AATF: variants seen among roughly 807,000 people sequenced by gnomAD.
AATF encodes apoptosis antagonizing transcription factor, also known as protein AATF.
AATF carries 48 observed loss-of-function variants against 63.7 expected under a neutral mutation model. The ratio of observed to expected loss-of-function variants is 0.75; its 90% CI spans 0.60 to 0.96. AATF has a LOEUF of 0.96. AATF is among the 40% of genes least tolerant of loss of function. The pLI, the probability that AATF is intolerant of heterozygous loss-of-function variation, is 0.00. For missense variants in AATF, 639 were observed against 685.7 expected, an observed-to-expected ratio of 0.93 and a Z score of 0.76; for synonymous variants, 258 against 247.7, an observed-to-expected ratio of 1.04 and a Z score of -0.39.
intron 8 of AATF, among the ~76,000 whole-genome samples, chr17:37,004,048 A>G (rs2071322824): frequency 6.6e-6 from 1 of 151,242 alleles, no homozygotes; most frequent in Admixed American, 6.6e-5. Flanking sequence ...GAGGTTGCAG[A>G]CTTTTTTTTG....
At chr17:36,985,805 T>C (rs1282712072) in intron 4 of AATF, among the ~76,000 whole-genome samples, 2 of 152,078 alleles carry the variant, frequency 1.3e-5, no homozygotes, top group African/African-American at 4.8e-5. Context: ...CGTCTCGGCC[T>C]CCCAAAGTGT....
chr17:37,017,746 C>A (rs544510432), intron 8 of AATF, among the ~76,000 whole-genome samples: 15 of 152,062 alleles, frequency 9.9e-5, no homozygotes, highest in Non-Finnish European at 1.9e-4. Context: ...ATTGAGATAT[C>A]CTTTTCCCTT....
chr17:37,033,690 CA>C (rs1455666962), intron 11 of AATF: 2 of 154,216 alleles, frequency 1.3e-5, no homozygotes, highest in African/African-American at 4.8e-5. Context: ...ATCTTTGTGA[CA>C]GGATAATTCT....
chr17:36,956,573 T>C (rs1402621181), intron 4 of AATF, among the ~76,000 whole-genome samples: 3 of 151,686 alleles, frequency 2.0e-5, no homozygotes, highest in African/African-American at 4.9e-5. Context: ...CTCGGGAGGC[T>C]GAGGCAGGAG....
At chr17:36,977,498 A>G (rs1260147889) in intron 4 of AATF, among the ~76,000 whole-genome samples, 1 of 152,004 alleles carries the variant, frequency 6.6e-6, no homozygotes, top group African/African-American at 2.4e-5. Flanking sequence ...AAGACGTTAT[A>G]ATATGAAAGA....
In AATF at chr17:36,967,728, T is replaced by C. The variant is rs1001210114; in HGVS notation, c.832+13821T>C. Among the ~76,000 whole-genome samples, 8 of 152,256 alleles carry C rather than the reference T, an allele frequency of 5.3e-5. 1 individual carries two copies. The highest frequency in any genetic ancestry group is 2.6e-4 in the Admixed American group (4 of 15,292). On this transcript the variant is annotated intron_variant, in intron 4 of 11. Coordinates refer to ENST00000619387, the MANE Select transcript of AATF (RefSeq NM_012138.4). ...GGAGGTAAATTTTTTTAGACTTCAGTTGTCTTAAAATACCTTTATTCTATC... is the reference window on the plus strand; with the variant it reads ...GGAGGTAAATTTTTTTAGACTTCAGCTGTCTTAAAATACCTTTATTCTATC...
intron 4 of AATF, among the ~76,000 whole-genome samples, chr17:36,981,637 T>C (rs750790790): frequency 1.3e-5 from 2 of 151,494 alleles, no homozygotes; most frequent in Admixed American, 6.6e-5. Flanking sequence ...CTTCTTTCTT[T>C]TTTCTTCTTC....
intron 8 of AATF, among the ~76,000 whole-genome samples, chr17:37,006,526 G>C (rs895616741): frequency 6.6e-6 from 1 of 152,188 alleles, no homozygotes; most frequent in African/African-American, 2.4e-5. Context: ...CCTTTTATTT[G>C]TTGGAAACAG....
intron 4 of AATF, among the ~76,000 whole-genome samples, chr17:36,978,409 G>A (rs529450588): frequency 1.6e-4 from 25 of 152,116 alleles, no homozygotes; most frequent in African/African-American, 5.5e-4. Flanking sequence ...TAGATCGCAC[G>A]CCTTCTACTG....
chr17:37,043,763 C>T (rs776564633), intron 11 of AATF, among the ~76,000 whole-genome samples: 1 of 152,132 alleles, frequency 6.6e-6, no homozygotes, highest in African/African-American at 2.4e-5. Flanking sequence ...CTTATGCCCT[C>T]GCTCGTATGC....
intron 4 of AATF, among the ~76,000 whole-genome samples, chr17:36,957,694 A>G (rs2070913163): frequency 6.6e-6 from 1 of 151,878 alleles, no homozygotes. Context: ...TACCTTTCTG[A>G]TCTCTTCTCT....
chr17:37,006,235 CA>C (rs1350259393), intron 8 of AATF, among the ~76,000 whole-genome samples: 1 of 152,100 alleles, frequency 6.6e-6, no homozygotes, highest in East Asian at 1.9e-4. Context: ...TTTGGGAGGC[CA>C]AAGCGGGTGG....
intron 8 of AATF, among the ~76,000 whole-genome samples, chr17:36,992,436 T>C (rs553938700): frequency 2.6e-5 from 4 of 152,280 alleles, no homozygotes; most frequent in African/African-American, 9.6e-5. Flanking sequence ...GTACCTGATA[T>C]GGGATATTAA....
intron 2 of AATF, among the ~76,000 whole-genome samples, chr17:36,952,664 C>T (rs1024120284): frequency 2.6e-5 from 4 of 152,150 alleles, no homozygotes; most frequent in African/African-American, 9.7e-5. Context: ...TCTGTCTTTC[C>T]CACTAGCTCC....
intron 1 of AATF, among the ~76,000 whole-genome samples, chr17:36,949,611 C>G (rs920462220): frequency 5.3e-5 from 8 of 152,228 alleles, no homozygotes; most frequent in African/African-American, 1.7e-4. Context: ...TCAGGTTGCC[C>G]TTCAAAACTA....
In AATF at chr17:37,009,582, C is replaced by T. The variant is rs540550516; in HGVS notation, c.1399-9423C>T. ...CCTGTAATCCCAGCACTTTGGGAGG[C>T]CGAGGCGGGTGGATCATGAGGTCAG... is the stretch of plus-strand genomic sequence containing the variant. On this transcript the variant is annotated intron_variant, in intron 8 of 11. Coordinates refer to ENST00000619387, the MANE Select transcript of AATF (RefSeq NM_012138.4). 6.0e-5 allele frequency among the ~76,000 whole-genome samples: 9 copies of T among 150,982 alleles called. No individual in the cohort carries two copies. In the East Asian group the frequency reaches 1.8e-3, roughly 30 times the overall value.
At chr17:37,008,728 G>T (rs1196123170) in intron 8 of AATF, among the ~76,000 whole-genome samples, 9 of 152,144 alleles carry the variant, frequency 5.9e-5, no homozygotes, top group Admixed American at 5.9e-4. Context: ...AGCTGGGCAT[G>T]CATGCCTGTA....
chr17:36,982,233 G>GTTTTTTTTTTTTT (rs61030839), intron 4 of AATF, among the ~76,000 whole-genome samples: 7 of 121,760 alleles, frequency 5.7e-5, no homozygotes, highest in Non-Finnish European at 5.4e-5. Context: ...TTTTTGTTTT[G>GTTTTTTTTTTTTT]TTTTTTTTTT....
At chr17:37,054,220 G>T (rs865829841) in intron 11 of AATF, among the ~76,000 whole-genome samples, 1 of 152,160 alleles carries the variant, frequency 6.6e-6, no homozygotes, top group Non-Finnish European at 1.5e-5. Flanking sequence ...TCCCCATGCT[G>T]CTCCTGGGCC....
Sources: gnomAD v4.1 joint callset for allele counts (sites outside exome capture counted in the v4.1 genomes callset) on GRCh38, gnomAD v4.1.1 for gene constraint, MANE v1.5 for transcripts, NCBI Gene and HGNC (gene_info 2026-07-23, HGNC 2026-07-21) for gene names.